Variants in TRPS1 observed in about 807,000 individuals in gnomAD.
TRPS1 encodes the protein zinc finger transcription factor Trps1.
Under a neutral mutation model 101.2 loss-of-function variants are expected in TRPS1, and 6 were observed. That is an observed-to-expected ratio of 0.06 (90% confidence interval 0.03 to 0.12). The LOEUF (loss-of-function observed/expected upper bound fraction) is 0.12. Ranked by LOEUF, TRPS1 falls within the 10% of genes least tolerant of loss-of-function variation. The probability of loss-of-function intolerance (pLI) is 1.00; values close to 1 mark genes in which losing one functional copy is unlikely to be tolerated. For synonymous variants in TRPS1, 578 were observed against 589.8 expected, an observed-to-expected ratio of 0.98 and a Z score of 0.29; for missense variants, 1,363 against 1,567.0, an observed-to-expected ratio of 0.87 and a Z score of 2.20.
intron 3 of TRPS1, among the ~76,000 whole-genome samples, chr8:115,613,978 G>A (rs1276782410): frequency 2.0e-5 from 3 of 152,146 alleles, no homozygotes; most frequent in Non-Finnish European, 2.9e-5. Flanking sequence ...AATGTGGATC[G>A]CCTGATGAAG....
chr8:115,491,954 G>A (rs1815033432), intron 5 of TRPS1, among the ~76,000 whole-genome samples: 1 of 152,134 alleles, frequency 6.6e-6, no homozygotes, highest in South Asian at 2.1e-4. Flanking sequence ...TAGGGATATG[G>A]CTTTTCTTTT....
At chr8:115,431,919 T>C (rs1371176781) in intron 5 of TRPS1, among the ~76,000 whole-genome samples, 2 of 151,902 alleles carry the variant, frequency 1.3e-5, no homozygotes, top group African/African-American at 4.8e-5. Context: ...CATTGGCTAC[T>C]TTATAAATAT....
At chr8:115,512,807 T>C (rs1815618025) in intron 5 of TRPS1, among the ~76,000 whole-genome samples, 1 of 151,698 alleles carries the variant, frequency 6.6e-6, no homozygotes, top group Non-Finnish European at 1.5e-5. Flanking sequence ...TAAATATATA[T>C]CTTAATGGGA....
At chr8:115,473,388 T>A (rs1814521280) in intron 5 of TRPS1, among the ~76,000 whole-genome samples, 1 of 152,150 alleles carries the variant, frequency 6.6e-6, no homozygotes, top group South Asian at 2.1e-4. Flanking sequence ...AACAGCAGCA[T>A]GAGGGTAACC....
At chr8:115,668,022 A>G in intron 1 of TRPS1, 2 of 918,282 alleles carry the variant, frequency 2.2e-6, no homozygotes, top group Non-Finnish European at 3.3e-6. Flanking sequence ...TCAGCCAGAA[A>G]GAGACAGCGA....
intron 3 of TRPS1, among the ~76,000 whole-genome samples, chr8:115,611,459 T>C (rs1818161867): frequency 6.6e-6 from 1 of 152,212 alleles, no homozygotes; most frequent in Non-Finnish European, 1.5e-5. Flanking sequence ...AACATGTCTA[T>C]GGTTTAGCAC....
intron 5 of TRPS1, among the ~76,000 whole-genome samples, chr8:115,555,619 G>A (rs562376794): frequency 6.6e-6 from 1 of 152,148 alleles, no homozygotes; most frequent in Admixed American, 6.6e-5. Flanking sequence ...GGTCAGGTGG[G>A]CAGAGCTCAG....
chr8:115,560,142 ATTCC>A (rs1816913403), intron 5 of TRPS1, among the ~76,000 whole-genome samples: 1 of 152,104 alleles, frequency 6.6e-6, no homozygotes, highest in African/African-American at 2.4e-5. Flanking sequence ...TAAAATCAAC[ATTCC>A]TTCATTTCTC....
At chr8:115,567,586 C>T (rs1817098625) in intron 5 of TRPS1, among the ~76,000 whole-genome samples, 1 of 152,092 alleles carries the variant, frequency 6.6e-6, no homozygotes, top group Non-Finnish European at 1.5e-5. Context: ...TTGGAATGAG[C>T]ACTTTTGCAG....
intron 3 of TRPS1, among the ~76,000 whole-genome samples, chr8:115,614,087 G>A (rs1056824879): frequency 3.9e-5 from 6 of 152,036 alleles, no homozygotes; most frequent in South Asian, 4.1e-4. Context: ...AACTTTCCCC[G>A]TATTGGCACA....
chr8:115,422,961 G>A (rs185980664), intron 5 of TRPS1, among the ~76,000 whole-genome samples: 2 of 152,160 alleles, frequency 1.3e-5, no homozygotes, highest in East Asian at 1.9e-4. Context: ...GCATTCCTGA[G>A]GGGCATATAT....
At position 115,587,514 on chromosome 8, in the gene TRPS1, G is replaced by A. The variant is rs1304627765; in HGVS notation, c.2187C>T (p.Cys729=). The stretch of plus-strand genomic sequence containing the variant: ...TGGCTGTAGTGATGTCCTGTTCCTG[G>A]CAGTGAACAGTGTTGAAGTGCTCCA... ...SLLEHFNTVH[C]QEQDITTANG... Residue 729 remains cysteine (C), a synonymous_variant, in exon 5 of 7, where the codon TGC becomes TGT. Transcript: ENST00000395715. 2 of 1,614,012 alleles carry A rather than the reference G, an allele frequency of 1.2e-6. No individual in the cohort carries two copies. The highest frequency in any genetic ancestry group is 2.2e-5 in the East Asian group (1 of 44,880).
intron 2 of TRPS1, among the ~76,000 whole-genome samples, chr8:115,622,435 T>C (rs976151160): frequency 1.3e-5 from 2 of 152,152 alleles, no homozygotes; most frequent in African/African-American, 4.8e-5. Context: ...AAATATAAGG[T>C]TGAGCAAAAT....
At chr8:115,532,176 T>C (rs777367227) in intron 5 of TRPS1, among the ~76,000 whole-genome samples, 6 of 151,916 alleles carry the variant, frequency 3.9e-5, no homozygotes, top group Non-Finnish European at 7.4e-5. Flanking sequence ...AAAATATCTA[T>C]AATTGGTCCA....
chr8:115,655,482 T>C (rs1206211042), intron 1 of TRPS1, among the ~76,000 whole-genome samples: 2 of 152,174 alleles, frequency 1.3e-5, no homozygotes, highest in Non-Finnish European at 2.9e-5. Context: ...TCTCAGAGAC[T>C]ACACCATTTA....
intron 5 of TRPS1, among the ~76,000 whole-genome samples, chr8:115,506,493 A>G (rs1055088712): frequency 6.6e-6 from 1 of 152,102 alleles, no homozygotes; most frequent in South Asian, 2.1e-4. Context: ...TAGTTATGAA[A>G]CTATCTTGTT....
chr8:115,636,265 G>T (rs1190981502), intron 1 of TRPS1, among the ~76,000 whole-genome samples: 6 of 152,128 alleles, frequency 3.9e-5, no homozygotes, highest in African/African-American at 1.4e-4. Flanking sequence ...TTCCAATAGG[G>T]TTCCTGTTTA....
At chr8:115,511,566 C>T (rs937687198) in intron 5 of TRPS1, among the ~76,000 whole-genome samples, 3 of 151,860 alleles carry the variant, frequency 2.0e-5, no homozygotes, top group African/African-American at 7.2e-5. Flanking sequence ...GGAAGTGACA[C>T]CTGTGGTTCT....
intron 5 of TRPS1, among the ~76,000 whole-genome samples, chr8:115,529,346 G>A (rs186784242): frequency 5.0e-4 from 76 of 152,138 alleles, no homozygotes; most frequent in African/African-American, 1.6e-3. Flanking sequence ...AAGCCGATCT[G>A]AGTCAAATTT....
Sources: gnomAD v4.1 joint callset for allele counts (sites outside exome capture counted in the v4.1 genomes callset) on GRCh38, gnomAD v4.1.1 for gene constraint, MANE v1.5 for transcripts, NCBI Gene and HGNC (gene_info 2026-07-23, HGNC 2026-07-21) for gene names.